SCAPER: variants seen among roughly 807,000 people sequenced by gnomAD.
SCAPER encodes S phase cyclin A-associated protein in the endoplasmic reticulum.
SCAPER carries 98 observed loss-of-function variants against 182.2 expected under a neutral mutation model. That is an observed-to-expected ratio of 0.54 (90% confidence interval 0.46 to 0.64). SCAPER has a LOEUF of 0.64. Among genes scored for constraint, SCAPER ranks in the 30% least tolerant of loss-of-function variants. The pLI is 0.00. For synonymous variants in SCAPER, 605 were observed against 564.6 expected, an observed-to-expected ratio of 1.07 and a Z score of -1.01; for missense variants, 1,432 against 1,690.0, an observed-to-expected ratio of 0.85 and a Z score of 2.68.
intron 23 of SCAPER, among the ~76,000 whole-genome samples, chr15:76,551,212 T>C (rs2045742623): frequency 6.6e-6 from 1 of 152,200 alleles, no homozygotes; most frequent in African/African-American, 2.4e-5. Context: ...TAGTGGCTAC[T>C]TATCCAAAGG....
At chr15:76,497,783 G>A (rs1408196807) in intron 24 of SCAPER, among the ~76,000 whole-genome samples, 1 of 151,782 alleles carries the variant, frequency 6.6e-6, no homozygotes, top group Non-Finnish European at 1.5e-5. Context: ...ATGAGGTCAC[G>A]AGATCGAGAC....
intron 15 of SCAPER, among the ~76,000 whole-genome samples, chr15:76,744,881 C>A (rs867935575): frequency 6.8e-4 from 104 of 152,054 alleles, no homozygotes; most frequent in African/African-American, 2.3e-3. Context: ...TGGAATCAAC[C>A]CAGGAGTCCA....
intron 26 of SCAPER, among the ~76,000 whole-genome samples, chr15:76,414,920 T>G (rs553791243): frequency 6.6e-6 from 1 of 152,296 alleles, no homozygotes; most frequent in East Asian, 1.9e-4. Context: ...AATTTGCTCT[T>G]TCAGTCCTTT....
chr15:76,761,266 T>C (rs1007058822), intron 14 of SCAPER, among the ~76,000 whole-genome samples: 2 of 152,160 alleles, frequency 1.3e-5, no homozygotes, highest in African/African-American at 4.8e-5. Context: ...TTTGATTTTT[T>C]TCTTTCCAAC....
chr15:76,382,211 G>A (rs2042989308), intron 27 of SCAPER, among the ~76,000 whole-genome samples: 1 of 152,150 alleles, frequency 6.6e-6, no homozygotes, highest in Admixed American at 6.5e-5. Context: ...CAAATCAGAT[G>A]AAGTCAGCTT....
intron 25 of SCAPER, among the ~76,000 whole-genome samples, chr15:76,470,377 C>G (rs184496851): frequency 6.6e-6 from 1 of 152,030 alleles, no homozygotes; most frequent in Non-Finnish European, 1.5e-5. Context: ...AAGAGTCAGG[C>G]TGGGGAAGAT....
chr15:76,714,534 G>GGTGGTAGTAGTAGTAGTAGTAGTAGTA (rs981246284), intron 17 of SCAPER, among the ~76,000 whole-genome samples: 3 of 149,394 alleles, frequency 2.0e-5, no homozygotes, highest in African/African-American at 7.4e-5. Context: ...TAGTAGTAGT[G>GGTGGTAGTAGTAGTAGTAGTAGTAGTA]GTAGTAGTAG....
At chr15:76,702,224 T>G (rs1408201608) in intron 19 of SCAPER, among the ~76,000 whole-genome samples, 1 of 152,050 alleles carries the variant, frequency 6.6e-6, no homozygotes, top group Admixed American at 6.6e-5. Context: ...TTATTTCCTC[T>G]AAGTTTGAAG....
At chr15:76,663,321 CG>C (rs1442567693) in intron 21 of SCAPER, among the ~76,000 whole-genome samples, 2 of 152,028 alleles carry the variant, frequency 1.3e-5, no homozygotes, top group Admixed American at 6.6e-5. Context: ...GGAATTCTCA[CG>C]GATTGCTAAT....
chr15:76,566,801 T>C (rs889977673), intron 23 of SCAPER, among the ~76,000 whole-genome samples: 6 of 152,082 alleles, frequency 3.9e-5, no homozygotes, highest in African/African-American at 1.4e-4. Context: ...TTTGGAGCAA[T>C]TTATTTTACC....
chr15:76,739,325 T>A (rs551395398), intron 15 of SCAPER, among the ~76,000 whole-genome samples: 3 of 152,230 alleles, frequency 2.0e-5, no homozygotes, highest in Non-Finnish European at 4.4e-5. Context: ...AACCTCAGCA[T>A]AAGATTTCTT....
intron 21 of SCAPER, among the ~76,000 whole-genome samples, chr15:76,658,269 A>T (rs1353816607): frequency 1.3e-5 from 2 of 152,162 alleles, no homozygotes; most frequent in Admixed American, 1.3e-4. Flanking sequence ...ACACACCAAC[A>T]TCCAAGCTGA....
chr15:76,795,104 T>C lies in SCAPER; in HGVS notation c.772+176A>G, dbSNP rs186735560. ...ACTAGAATGATCTCCATAAGCTATC[T>C]ACAGTGCTGAAAAGTAGTTTTGCTC... On this transcript the variant is annotated intron_variant, in intron 8 of 31. Transcript: ENST00000563290. The C allele has an allele frequency of 1.0e-3, 535 of 525,556 alleles. 3 individuals are homozygous for C. Among genetic ancestry groups the C allele is most frequent in the Middle Eastern group, 3.7e-3 (7 of 1,888 alleles). The allele number at this position is 525,556 out of a possible 1,614,324, so 32.6% of individuals were successfully genotyped here.
At chr15:76,613,339 T>C (rs766840021) in intron 22 of SCAPER, among the ~76,000 whole-genome samples, 38 of 152,100 alleles carry the variant, frequency 2.5e-4, no homozygotes, top group South Asian at 2.1e-4. Context: ...ACCTAGGCAA[T>C]ACCATTTGGG....
At chr15:76,567,032 T>C (rs2047083596) in intron 23 of SCAPER, among the ~76,000 whole-genome samples, 3 of 152,074 alleles carry the variant, frequency 2.0e-5, no homozygotes, top group Admixed American at 1.3e-4. Flanking sequence ...ATGATCCTGA[T>C]TTTTAGGAAA....
chr15:76,853,957 T>G (rs1243886217), intron 4 of SCAPER, among the ~76,000 whole-genome samples: 3 of 152,176 alleles, frequency 2.0e-5, no homozygotes, highest in Admixed American at 2.0e-4. Context: ...GATAAACAAC[T>G]TCAGCAAAGT....
At chr15:76,691,749 T>C (rs2058372071) in intron 20 of SCAPER, among the ~76,000 whole-genome samples, 1 of 152,164 alleles carries the variant, frequency 6.6e-6, no homozygotes, top group Non-Finnish European at 1.5e-5. Context: ...ATTTGTTCTA[T>C]TGTTATTCTA....
chr15:76,570,908 G>C lies in SCAPER; in HGVS notation c.2838+3250C>G, dbSNP rs1488860257. Among the ~76,000 whole-genome samples, 4 of 152,172 alleles carry C rather than the reference G, an allele frequency of 2.6e-5. No individual in the cohort carries two copies. In the South Asian group the frequency reaches 6.2e-4, roughly 24 times the overall value. On this transcript the variant is annotated intron_variant, in intron 23 of 31. Coordinates refer to ENST00000563290, the MANE Select transcript of SCAPER (RefSeq NM_020843.4). Reference sequence around the variant, plus strand: ...GAATTTGAGCAGCAAATCTATGCCAGGGGTTGGACTATGGGTATAAATTCT... The same window carrying C: ...GAATTTGAGCAGCAAATCTATGCCACGGGTTGGACTATGGGTATAAATTCT...
At chr15:76,425,884 A>T (rs1331542956) in intron 26 of SCAPER, among the ~76,000 whole-genome samples, 1 of 152,126 alleles carries the variant, frequency 6.6e-6, no homozygotes, top group Non-Finnish European at 1.5e-5. Context: ...TCCACTCCAG[A>T]CCCTGTTTGC....
Sources: gnomAD v4.1 joint callset for allele counts (sites outside exome capture counted in the v4.1 genomes callset) on GRCh38, gnomAD v4.1.1 for gene constraint, MANE v1.5 for transcripts, NCBI Gene and HGNC (gene_info 2026-07-23, HGNC 2026-07-21) for gene names.